BARX2: variants seen among roughly 807,000 people sequenced by gnomAD.
BARX2 encodes the protein BARX homeobox 2, also known as homeobox protein BarH-like 2.
A neutral mutation model predicts 25.5 loss-of-function variants in BARX2; 11 were observed. The observed-to-expected ratio is 0.43, with a 90% CI of 0.27 to 0.71. BARX2 has a LOEUF of 0.71. Among genes scored for constraint, BARX2 ranks in the 30% least tolerant of loss-of-function variants. The pLI is 0.19. For missense variants in BARX2, 360 were observed against 359.9 expected, an observed-to-expected ratio of 1.00 and a Z score of 0.00; for synonymous variants, 137 against 149.5, an observed-to-expected ratio of 0.92 and a Z score of 0.61.
intron 1 of BARX2, among the ~76,000 whole-genome samples, chr11:129,419,180 C>G (rs369277675): frequency 2.0e-5 from 3 of 152,228 alleles, no homozygotes; most frequent in Admixed American, 2.0e-4. Context: ...TTCTGGCCAC[C>G]TGCACCCCTG....
In BARX2 at chr11:129,375,878, C is replaced by T. The variant is rs893209313; in HGVS notation, c.-158C>T. On this transcript the variant is annotated 5_prime_UTR_variant, in exon 1 of 4. Coordinates refer to ENST00000281437, the MANE Select transcript of BARX2 (RefSeq NM_003658.5). The surrounding 1 kb of genome is among the most constrained non-coding windows in gnomAD (Gnocchi z 4.0). ...TGGGTCTAGACGCGCGGCAGGCGCG[C>T]CCGCTACCCGCTCTCCTCCGCGCGC... 19 of 212,128 alleles carry T rather than the reference C, an allele frequency of 9.0e-5. No homozygotes were observed. Among genetic ancestry groups the T allele is most frequent in the African/African-American group, 4.0e-4 (17 of 42,492 alleles). 13.1% of individuals were successfully genotyped at this position (212,128 alleles called of 1,614,324 possible).
intron 1 of BARX2, among the ~76,000 whole-genome samples, chr11:129,394,018 C>T (rs929152776): frequency 6.6e-6 from 1 of 151,870 alleles, no homozygotes; most frequent in Non-Finnish European, 1.5e-5. Flanking sequence ...ATGCTGTCTG[C>T]GTCTCTCCCC....
chr11:129,432,251 G>A (rs952645365), intron 1 of BARX2, among the ~76,000 whole-genome samples: 5 of 151,830 alleles, frequency 3.3e-5, no homozygotes, highest in African/African-American at 4.8e-5. Flanking sequence ...TAGTAAAGAC[G>A]GGCTTTCGTC....
Position 129,444,725 on chromosome 11 carries a change from G to A in BARX2, c.573+1806G>A, listed in dbSNP as rs1040986259. Among the ~76,000 whole-genome samples, 5 of 152,298 alleles carry A rather than the reference G, an allele frequency of 3.3e-5. No individual in the cohort carries two copies. In the South Asian group the frequency reaches 6.2e-4, roughly 19 times the overall value. Reference sequence around the variant, plus strand: ...AAGTTGAAATTGAAGGAAGTGGCCCGGCACGGTGGCTCACGCCTGTAATCC... The same window carrying A: ...AAGTTGAAATTGAAGGAAGTGGCCCAGCACGGTGGCTCACGCCTGTAATCC... On this transcript the variant is annotated intron_variant, in intron 3 of 3. Coordinates refer to ENST00000281437, the MANE Select transcript of BARX2 (RefSeq NM_003658.5).
chr11:129,441,203 C>A (rs1329533319), intron 2 of BARX2, among the ~76,000 whole-genome samples: 5 of 152,170 alleles, frequency 3.3e-5, no homozygotes, highest in Admixed American at 6.5e-5. Context: ...TCCCTGCGAT[C>A]CCCTTTGACA....
Position 129,452,184 on chromosome 11 carries a change from C to T in BARX2, c.*782C>T, listed in dbSNP as rs142203135. ...TTTCATAAAAAACATTTGTGACCTT[C>T]GGCATAAATGGGTTAAGGTGCCATC... On this transcript the variant is annotated 3_prime_UTR_variant, in exon 4 of 4. Coordinates refer to ENST00000281437, the MANE Select transcript of BARX2 (RefSeq NM_003658.5). The T allele has an allele frequency of 1.6e-4, 24 of 152,202 alleles. No homozygotes were observed. Among genetic ancestry groups the T allele is most frequent in the Admixed American group, 9.2e-4 (14 of 15,284 alleles). The allele number at this position is 152,202 out of a possible 1,614,324, so 9.4% of individuals were successfully genotyped here. A position where few individuals can be genotyped will look rare whatever the true frequency, so the allele number is the denominator to read the frequency against.
intron 1 of BARX2, among the ~76,000 whole-genome samples, chr11:129,380,538 T>C (rs976890828): frequency 6.6e-6 from 1 of 152,186 alleles, no homozygotes; most frequent in Non-Finnish European, 1.5e-5. Flanking sequence ...AGTTGGATAC[T>C]GGAATGTTAA....
chr11:129,407,352 C>T (rs1861841645), intron 1 of BARX2, among the ~76,000 whole-genome samples: 1 of 152,246 alleles, frequency 6.6e-6, no homozygotes, highest in South Asian at 2.1e-4. Flanking sequence ...ACAGCTTTCC[C>T]TCATTAGGGG....
rs1340163601 is a variant in BARX2, at chr11:129,436,936, C to G, written c.373C>G (p.Gln125Glu). 1 of 1,613,714 alleles carries G rather than the reference C, an allele frequency of 6.2e-7. No homozygotes were observed. Among genetic ancestry groups the G allele is most frequent in the Admixed American group, 1.7e-5 (1 of 59,986 alleles). Reference protein sequence around the residue: ...ALASSESETEQPTPRQKKPRR... With the variant: ...ALASSESETEEPTPRQKKPRR... ...AGCCAGCAGCGAGTCAGAGACGGAA[C>G]AGCCCACGCCCCGACAGAAGAAGCC... Residue 125 changes from glutamine (Q) to glutamate (E), a missense_variant, in exon 2 of 4, where the codon CAG becomes GAG. Gln to Glu is a conservative substitution (Grantham distance 29, BLOSUM62 2). Coordinates refer to ENST00000281437, the MANE Select transcript of BARX2 (RefSeq NM_003658.5). This position sits in a 1 kb window ranked among gnomAD's most constrained non-coding sequence, Gnocchi z 4.5.
At position 129,386,966 on chromosome 11, in the gene BARX2, C is replaced by T. The variant is rs547128866; in HGVS notation, c.187+10744C>T. Among the ~76,000 whole-genome samples the T allele has an allele frequency of 1.1e-3, 174 of 152,288 alleles. 1 individual carries two copies. Among genetic ancestry groups the T allele is most frequent in the African/African-American group, 4.0e-3 (168 of 41,564 alleles). On this transcript the variant is annotated intron_variant, in intron 1 of 3. Transcript: ENST00000281437. Reference sequence around the variant, plus strand: ...CCCACAGGATCTGTGGCCAGGGTGGCCAGATTTTCTTTGGTGCTAAGCACG... The same window carrying T: ...CCCACAGGATCTGTGGCCAGGGTGGTCAGATTTTCTTTGGTGCTAAGCACG...
chr11:129,447,006 C>T (rs1305917355), intron 3 of BARX2, among the ~76,000 whole-genome samples: 2 of 152,132 alleles, frequency 1.3e-5, no homozygotes, highest in Non-Finnish European at 2.9e-5. Context: ...AATAAATAAC[C>T]AGACGTAGAA....
At position 129,447,883 on chromosome 11, in the gene BARX2, C is replaced by A. The variant is rs536153808; in HGVS notation, c.574-3253C>A. Among the ~76,000 whole-genome samples the A allele has an allele frequency of 3.3e-5, 5 of 152,254 alleles. No homozygotes were observed. The East Asian group carries it at 9.7e-4, about 29-fold the overall frequency. The stretch of plus-strand genomic sequence containing the variant: ...TGGATCTGCTTTCAACATGTAAATT[C>A]CATCTTGGCACAATTGGGTGCTTTC... On this transcript the variant is annotated intron_variant, in intron 3 of 3. Coordinates refer to ENST00000281437, the MANE Select transcript of BARX2 (RefSeq NM_003658.5).
chr11:129,401,143 A>G (rs527249066), intron 1 of BARX2, among the ~76,000 whole-genome samples: 17 of 152,242 alleles, frequency 1.1e-4, no homozygotes, highest in African/African-American at 4.1e-4. Context: ...CTTCATTGGC[A>G]TGGTTGAGAT....
intron 1 of BARX2, among the ~76,000 whole-genome samples, chr11:129,415,337 C>T (rs1171507481): frequency 1.3e-5 from 2 of 152,168 alleles, no homozygotes; most frequent in African/African-American, 4.8e-5. Flanking sequence ...GCCCTTTCTC[C>T]CTTTAAGCCC....
chr11:129,376,006 C>G lies in BARX2; in HGVS notation c.-30C>G, dbSNP rs1861498579. 4.4e-6 allele frequency: 6 copies of G among 1,374,638 alleles called. No individual in the cohort carries two copies. The highest frequency in any genetic ancestry group is 3.4e-5 in the South Asian group (2 of 58,546). The allele number at this position is 1,374,638 out of a possible 1,614,324, so 85.2% of individuals were successfully genotyped here. A position where few individuals can be genotyped will look rare whatever the true frequency, so the allele number is the denominator to read the frequency against. On this transcript the variant is annotated 5_prime_UTR_variant, in exon 1 of 4. Transcript: ENST00000281437. The surrounding 1 kb of genome is among the most constrained non-coding windows in gnomAD (Gnocchi z 4.2). ...CGGGCCGGGCACTCGCAGCCGCGCT[C>G]GGGCCGGCGGACGCTCGCGCCGGCT...
At chr11:129,396,382 C>T (rs1861721449) in intron 1 of BARX2, among the ~76,000 whole-genome samples, 1 of 151,566 alleles carries the variant, frequency 6.6e-6, no homozygotes. Context: ...TGCCACTCCT[C>T]CCCACTCACC....
intron 1 of BARX2, among the ~76,000 whole-genome samples, chr11:129,422,710 T>A (rs1862018816): frequency 6.6e-6 from 1 of 151,554 alleles, no homozygotes. Flanking sequence ...ATTCTCTTTT[T>A]TTTTTTTTTT....
At chr11:129,382,801 G>A (rs1861581564) in intron 1 of BARX2, among the ~76,000 whole-genome samples, 1 of 152,128 alleles carries the variant, frequency 6.6e-6, no homozygotes, top group African/African-American at 2.4e-5. Flanking sequence ...CCGAGAACTT[G>A]CTAAAGCCCA....
chr11:129,451,380 C>T lies in BARX2; in HGVS notation c.818C>T (p.Ser273Leu), dbSNP rs376626609. The change falls in exon 4 of 4, where the codon TCG (serine) becomes TTG (leucine). Residue 273 changes from serine (S) to leucine (L), a missense_variant. Around this residue, in one of 3 missense-constraint regions of BARX2, gnomAD observed 114 missense variants for 109.4 expected, o/e 1.04. Transcript: ENST00000281437. ...CCCCAGGAGTTGCCAATACCCTCTT[C>T]GGAACCCCCACCATTAAGCTAAAGT... ...DPPQELPIPS[S>L]EPPPLS 35 of 1,613,566 alleles carry T rather than the reference C, an allele frequency of 2.2e-5. No individual in the cohort carries two copies. In the Middle Eastern group the frequency reaches 6.6e-4, roughly 30 times the overall value.
Sources: gnomAD v4.1 joint callset for allele counts (sites outside exome capture counted in the v4.1 genomes callset) on GRCh38, gnomAD v4.1.1 for gene constraint, gnomAD v4.1.1 regional missense constraint, Gnocchi (gnomAD v3.1) non-coding constraint, MANE v1.5 for transcripts, NCBI Gene and HGNC (gene_info 2026-07-23, HGNC 2026-07-21) for gene names.